The following RUFY1 variants were observed in gnomAD, a reference collection of about 807,000 sequenced individuals.
RUFY1 encodes the protein RUN and FYVE domain containing 1.
A neutral mutation model predicts 94.6 loss-of-function variants in RUFY1; 54 were observed. That is an observed-to-expected ratio of 0.57 (90% CI 0.46 to 0.72). RUFY1 has a LOEUF of 0.72. Among genes scored for constraint, RUFY1 ranks in the 30% least tolerant of loss-of-function variants. RUFY1 has a pLI of 0.00. For missense variants in RUFY1, 883 were observed against 883.9 expected (o/e 1.00, Z 0.01); for synonymous variants, 396 against 347.3 (o/e 1.14, Z -1.56).
intron 7 of RUFY1, among the ~76,000 whole-genome samples, chr5:179,583,652 G>A (rs1213248454): frequency 7.3e-5 from 11 of 151,252 alleles, no homozygotes; most frequent in Admixed American, 5.9e-4. Context: ...TCCTGACCAC[G>A]TGATCCGCCC....
At chr5:179,574,320 G>A (rs1208533404) in intron 5 of RUFY1, among the ~76,000 whole-genome samples, 1 of 152,126 alleles carries the variant, frequency 6.6e-6, no homozygotes, top group East Asian at 1.9e-4. Flanking sequence ...GCTGGAACCT[G>A]GGAGGCAGAG....
chr5:179,569,645 C>T (rs1763075112), intron 5 of RUFY1, among the ~76,000 whole-genome samples: 1 of 152,074 alleles, frequency 6.6e-6, no homozygotes, highest in Non-Finnish European at 1.5e-5. Context: ...AGGCAGACAG[C>T]TCTCCATGGC....
At chr5:179,594,220 T>G (rs192940290) in intron 11 of RUFY1, among the ~76,000 whole-genome samples, 26 of 151,956 alleles carry the variant, frequency 1.7e-4, no homozygotes, top group African/African-American at 5.8e-4. Flanking sequence ...GAGAATTGCT[T>G]GAACCCGGGA....
At chr5:179,602,533 A>T (rs1053442277) in intron 15 of RUFY1, 4 of 152,884 alleles carry the variant, frequency 2.6e-5, no homozygotes, top group African/African-American at 9.7e-5. Flanking sequence ...CCCAGTCTAG[A>T]TAGGTTGCTG....
In RUFY1 at chr5:179,609,495, G is replaced by C. The variant is rs767514975; in HGVS notation, c.2103G>C (p.Gln701His). Reference protein sequence around the residue: ...VCDSCHTLLLQRCSSTAS With the variant: ...VCDSCHTLLLHRCSSTAS The stretch of plus-strand genomic sequence containing the variant: ...ACAGCTGCCACACCCTGCTCCTGCA[G>C]CGCTGCTCCTCCACGGCCTCCTGAA... Residue 701 changes from glutamine to histidine, a missense_variant, in exon 18 of 18, where the codon CAG (glutamine) becomes CAC (histidine). Transcript: ENST00000319449. 6.2e-7 allele frequency: 1 copy of C among 1,608,626 alleles called. No homozygotes were observed. Among genetic ancestry groups the C allele is most frequent in the African/African-American group, 1.3e-5 (1 of 75,006 alleles).
chr5:179,585,443 G>A (rs1764527165), intron 7 of RUFY1, among the ~76,000 whole-genome samples: 1 of 152,102 alleles, frequency 6.6e-6, no homozygotes, highest in African/African-American at 2.4e-5. Context: ...GCCAGGTGCA[G>A]TGGCACGCAC....
chr5:179,591,187 G>GC (rs1562060214), intron 9 of RUFY1, among the ~76,000 whole-genome samples: 2 of 147,790 alleles, frequency 1.4e-5, no homozygotes, highest in Non-Finnish European at 3.0e-5. Context: ...TCTTTTTTTT[G>GC]TTTTTTTTTG....
At chr5:179,579,144 C>T (rs1201189262) in intron 6 of RUFY1, among the ~76,000 whole-genome samples, 1 of 152,146 alleles carries the variant, frequency 6.6e-6, no homozygotes, top group Non-Finnish European at 1.5e-5. Flanking sequence ...CCTTCCATGT[C>T]TTCCTGAGGA....
chr5:179,605,467 G>GGC, intron 15 of RUFY1, among the ~76,000 whole-genome samples: 1 of 152,290 alleles, frequency 6.6e-6, no homozygotes, highest in East Asian at 1.9e-4. Context: ...CCCCCTTCCA[G>GGC]ACAGCAGGCA....
chr5:179,579,657 C>CTTTTTTTTTTTTTCTTTTTTTTTTTTT (rs1763947706), intron 6 of RUFY1, among the ~76,000 whole-genome samples: 1 of 50,548 alleles, frequency 2.0e-5, no homozygotes, highest in Non-Finnish European at 3.8e-5. Context: ...TTTTCTTCTT[C>CTTTTTTTTTTTTTCTTTTTTTTTTTTT]TTTTTTTTTT....
intron 3 of RUFY1, among the ~76,000 whole-genome samples, chr5:179,565,010 AAAAT>A (rs1762733425): frequency 6.7e-6 from 1 of 150,352 alleles, no homozygotes; most frequent in Non-Finnish European, 1.5e-5. Context: ...AAGAGAGAGA[AAAAT>A]AATTTATATT....
intron 1 of RUFY1, among the ~76,000 whole-genome samples, chr5:179,559,483 C>T (rs1762275236): frequency 6.6e-6 from 1 of 152,198 alleles, no homozygotes; most frequent in African/African-American, 2.4e-5. Context: ...CACTATCCGG[C>T]AAGAGAGAAG....
intron 5 of RUFY1, among the ~76,000 whole-genome samples, chr5:179,576,779 AAAT>A (rs936420249): frequency 1.3e-5 from 2 of 152,196 alleles, no homozygotes; most frequent in African/African-American, 4.8e-5. Flanking sequence ...CTTTGTACAC[AAAT>A]AATTTTGTTG....
chr5:179,602,925 G>T (rs994845846), intron 15 of RUFY1, among the ~76,000 whole-genome samples: 1 of 152,142 alleles, frequency 6.6e-6, no homozygotes. Flanking sequence ...TGGGGCTCAC[G>T]ACCTCAGCAC....
chr5:179,573,299 TTTAA>T (rs1366178566), intron 5 of RUFY1, among the ~76,000 whole-genome samples: 1 of 152,304 alleles, frequency 6.6e-6, no homozygotes, highest in South Asian at 2.1e-4. Flanking sequence ...CCATTGAGAT[TTTAA>T]TTAATTAATA....
At chr5:179,577,772 G>T (rs1265037950) in intron 6 of RUFY1, among the ~76,000 whole-genome samples, 1 of 151,430 alleles carries the variant, frequency 6.6e-6, no homozygotes, top group Admixed American at 6.6e-5. Context: ...TCGGGCGGCG[G>T]AGGCGGTGGG....
intron 5 of RUFY1, among the ~76,000 whole-genome samples, chr5:179,573,758 G>A (rs1309588635): frequency 1.3e-5 from 2 of 152,042 alleles, no homozygotes; most frequent in Non-Finnish European, 2.9e-5. Context: ...TCCTGACATC[G>A]TGATCTGCCC....
chr5:179,583,223 C>G (rs1764298660), intron 7 of RUFY1, among the ~76,000 whole-genome samples: 1 of 151,454 alleles, frequency 6.6e-6, no homozygotes, highest in Non-Finnish European at 1.5e-5. Flanking sequence ...TCACTTGAAC[C>G]TGGGAGGCAG....
chr5:179,593,403 C>G, intron 10 of RUFY1, 75 bp from the exon 11 acceptor site: 5 of 1,517,722 alleles, frequency 3.3e-6, no homozygotes, highest in Non-Finnish European at 9.0e-7. Context: ...TAAGCATTAC[C>G]TGAGATTCAA....
Sources: gnomAD v4.1 joint callset for allele counts (sites outside exome capture counted in the v4.1 genomes callset) on GRCh38, gnomAD v4.1.1 for gene constraint, MANE v1.5 for transcripts, NCBI Gene and HGNC (gene_info 2026-07-23, HGNC 2026-07-21) for gene names.